The following ZNF398 variants were observed in gnomAD, a reference collection of about 807,000 sequenced individuals.
ZNF398 encodes zinc finger protein 398.
ZNF398 carries 18 observed loss-of-function variants against 41.9 expected under a neutral mutation model. The ratio of observed to expected loss-of-function variants is 0.43; its 90% CI spans 0.30 to 0.64. The LOEUF (loss-of-function observed/expected upper bound fraction) is 0.64, where lower values mean the gene tolerates loss of function less well. Ranked by LOEUF, ZNF398 falls within the 30% of genes least tolerant of loss-of-function variation. The probability of loss-of-function intolerance (pLI) is 0.14; values close to 1 mark genes in which losing one functional copy is unlikely to be tolerated. For missense variants in ZNF398, 669 were observed against 822.8 expected (o/e 0.81, Z 2.29); for synonymous variants, 260 against 308.8 (o/e 0.84, Z 1.66).
intron 4 of ZNF398, among the ~76,000 whole-genome samples, chr7:149,168,372 C>A (rs1795267612): frequency 6.6e-6 from 1 of 152,048 alleles, no homozygotes; most frequent in African/African-American, 2.4e-5. Context: ...GCCACCGCAC[C>A]CAGCCATCTA....
chr7:149,154,937 C>T (rs547061703), intron 2 of ZNF398, among the ~76,000 whole-genome samples: 4 of 148,548 alleles, frequency 2.7e-5, no homozygotes, highest in Non-Finnish European at 4.4e-5. Flanking sequence ...TGCAGTGAGT[C>T]GAGATCATGC....
rs373592293 is a variant in ZNF398, at chr7:149,179,601, C to T, written c.1729C>T (p.Arg577Cys). ...CTGCTCCTACTGTGGCAGGAGCTTC[C>T]GCTACAAACAGACACTCAAGGACCA... ...YPCSYCGRSF[R>C]YKQTLKDHLR... is the part of the protein sequence containing the mutation. Residue 577 changes from arginine (R) to cysteine (C), a missense_variant, in exon 6 of 6, where the codon CGC becomes TGC. Arg to Cys is a radical substitution (Grantham distance 180, BLOSUM62 -3). Around this residue, in one of 3 missense-constraint regions of ZNF398, gnomAD observed 210 missense variants for 290.4 expected, o/e 0.72. Transcript: ENST00000475153. The surrounding 1 kb of genome is among the most constrained non-coding windows in gnomAD (Gnocchi z 6.1). 15 of 1,614,058 alleles carry T rather than the reference C, an allele frequency of 9.3e-6. No homozygotes were observed. The highest frequency in any genetic ancestry group is 3.3e-5 in the Admixed American group (2 of 60,012).
intron 4 of ZNF398, among the ~76,000 whole-genome samples, chr7:149,174,641 A>G (rs7787885): frequency 0.013 from 2,055 of 152,314 alleles, 40 homozygotes; most frequent in African/African-American, 0.047. Context: ...CCTAAGCAAC[A>G]TAGTGAGACC....
In ZNF398 at chr7:149,162,267, C is replaced by T. The variant is rs28645811; in HGVS notation, c.421-3891C>T. ...CGCAGTCTCGGCTCACTGTAACCTT[C>T]GCCTCCTGGGTTCACGCCATTCTCC... On this transcript the variant is annotated intron_variant, in intron 2 of 5. Coordinates refer to ENST00000475153, the MANE Select transcript of ZNF398 (RefSeq NM_170686.3). Among the ~76,000 whole-genome samples, 1,478 of 152,144 alleles carry T rather than the reference C, an allele frequency of 9.7e-3. 28 individuals carry two copies. The highest frequency in any genetic ancestry group is 0.033 in the African/African-American group (1,385 of 41,508).
At position 149,178,834 on chromosome 7, in the gene ZNF398, A is replaced by G. The variant is rs1200872265; in HGVS notation, c.962A>G (p.Glu321Gly). The change falls in exon 6 of 6, where the codon GAG (glutamate) becomes GGG (glycine). Residue 321 changes from glutamate to glycine, a missense_variant. Around this residue, in one of 3 missense-constraint regions of ZNF398, gnomAD observed 290 missense variants for 292.9 expected, o/e 0.99. Coordinates refer to ENST00000475153, the MANE Select transcript of ZNF398 (RefSeq NM_170686.3). The part of the protein sequence containing the change: ...RPATDLPEAS[E>G]GQVTFTQLGS... ...GCCACTGACCTGCCTGAAGCCTCTGAGGGACAAGTGACTTTTACTCAGTTG... is the reference window on the plus strand; with the variant it reads ...GCCACTGACCTGCCTGAAGCCTCTGGGGGACAAGTGACTTTTACTCAGTTG... The G allele has an allele frequency of 1.9e-6, 3 of 1,614,038 alleles. No individual in the cohort carries two copies. Among genetic ancestry groups the G allele is most frequent in the Non-Finnish European group, 1.7e-6 (2 of 1,180,030 alleles).
Position 149,173,949 on chromosome 7 carries a change from C to G in ZNF398, c.662-2519C>G, listed in dbSNP as rs538544810. Among the ~76,000 whole-genome samples the G allele has an allele frequency of 6.6e-5, 10 of 152,140 alleles. 1 individual carries two copies. In the East Asian group the frequency reaches 1.2e-3, roughly 18 times the overall value. Reference sequence around the variant, plus strand: ...GCTAGGAAATACAGGCATGCACCACCACGCCCAGCTAATTTTGTATTTTTA... The same window carrying G: ...GCTAGGAAATACAGGCATGCACCACGACGCCCAGCTAATTTTGTATTTTTA... On this transcript the variant is annotated intron_variant, in intron 4 of 5. Coordinates refer to ENST00000475153, the MANE Select transcript of ZNF398 (RefSeq NM_170686.3).
chr7:149,153,983 G>A lies in ZNF398; in HGVS notation c.63G>A (p.Gln21=), dbSNP rs779174707. The A allele has an allele frequency of 1.2e-6, 2 of 1,613,892 alleles. No individual in the cohort carries two copies. The highest frequency in any genetic ancestry group is 1.1e-5 in the South Asian group (1 of 91,064). The change falls in exon 2 of 6, where the codon CAG becomes CAA. Residue 21 remains glutamine, a synonymous_variant. Coordinates refer to ENST00000475153, the MANE Select transcript of ZNF398 (RefSeq NM_170686.3). ...EWDSECLTSL[Q]PLPLPTPPAA... ...ACTCCGAGTGCCTTACATCCCTGCA[G>A]CCCCTTCCTCTTCCTACACCCCCAG...
chr7:149,132,420 C>T (rs1269270259), intron 2 of ZNF398, among the ~76,000 whole-genome samples: 1 of 152,088 alleles, frequency 6.6e-6, no homozygotes, highest in Non-Finnish European at 1.5e-5. Context: ...TCTCGAACTC[C>T]TGACCTCATG....
In ZNF398 at chr7:149,180,632, A is replaced by G. The variant is rs1795569483; in HGVS notation, c.*831A>G. 1 of 152,254 alleles carries G rather than the reference A, an allele frequency of 6.6e-6. No individual in the cohort carries two copies. The highest frequency in any genetic ancestry group is 2.4e-5 in the African/African-American group (1 of 41,468). The allele number at this position is 152,254 out of a possible 1,614,324, so 9.4% of individuals were successfully genotyped here. On this transcript the variant is annotated 3_prime_UTR_variant, in exon 6 of 6. Coordinates refer to ENST00000475153, the MANE Select transcript of ZNF398 (RefSeq NM_170686.3). ...TCTCAGAGAAATAGCTGGCTTAACA[A>G]TGACAGAACAGCTTAAAATTTGTGC...
intron 2 of ZNF398, among the ~76,000 whole-genome samples, chr7:149,135,164 T>C (rs1419127930): frequency 6.6e-6 from 1 of 152,038 alleles, no homozygotes; most frequent in African/African-American, 2.4e-5. Flanking sequence ...GTAAGTCCTT[T>C]GTTGGATATA....
chr7:149,176,552 A>G lies in ZNF398; in HGVS notation c.746A>G (p.Glu249Gly). The G allele has an allele frequency of 6.2e-7, 1 of 1,611,416 alleles. No homozygotes were observed. The highest frequency in any genetic ancestry group is 8.5e-7 in the Non-Finnish European group (1 of 1,179,214). Residue 249 changes from glutamate (E) to glycine (G), a missense_variant, in exon 5 of 6, where the codon GAG (glutamate) becomes GGG (glycine). Glu to Gly is a moderately conservative substitution (Grantham distance 98). Transcript: ENST00000475153. ...GTTGGGGCCCCACCGGAGTCCAAGG[A>G]GAGTGACGTGTACAAAAGCACTTAT... ...PQVGAPPESK[E>G]SDVYKSTYAD...
intron 2 of ZNF398, among the ~76,000 whole-genome samples, chr7:149,165,771 A>G (rs4727025): frequency 0.54 from 81,939 of 152,054 alleles, 25,609 homozygotes; most frequent in East Asian, 0.9. Flanking sequence ...AAAGAAAACA[A>G]ATAGAGGAAT....
At chr7:149,174,085 T>C (rs1005217893) in intron 4 of ZNF398, among the ~76,000 whole-genome samples, 4 of 152,062 alleles carry the variant, frequency 2.6e-5, no homozygotes, top group Non-Finnish European at 5.9e-5. Context: ...TGACCCACCA[T>C]GCCCGGCCTG....
intron 3 of ZNF398, among the ~76,000 whole-genome samples, chr7:149,166,526 G>A: frequency 6.6e-6 from 1 of 152,150 alleles, no homozygotes; most frequent in Non-Finnish European, 1.5e-5. Flanking sequence ...GGTTTCCATG[G>A]GTATCCTTCA....
intron 4 of ZNF398, among the ~76,000 whole-genome samples, chr7:149,175,364 G>T (rs1220323787): frequency 6.6e-6 from 1 of 151,630 alleles, no homozygotes; most frequent in African/African-American, 2.4e-5. Context: ...AAATAATAAA[G>T]CCATATAGGC....
intron 2 of ZNF398, among the ~76,000 whole-genome samples, chr7:149,159,213 A>AT (rs1419089850): frequency 6.6e-6 from 1 of 151,432 alleles, no homozygotes; most frequent in Non-Finnish European, 1.5e-5. Context: ...AAGTGCTGGG[A>AT]TTACAGGTGT....
chr7:149,164,689 A>T (rs1795189615), intron 2 of ZNF398, among the ~76,000 whole-genome samples: 1 of 152,372 alleles, frequency 6.6e-6, no homozygotes, highest in Admixed American at 6.5e-5. Flanking sequence ...AAGGTTGTAA[A>T]AGACTTCTGG....
chr7:149,154,101 A>G lies in ZNF398; in HGVS notation c.181A>G (p.Ser61Gly), dbSNP rs756781841. Reference protein sequence around the residue: ...QAIERKVEIHSRRLLHLEGRT... With the variant: ...QAIERKVEIHGRRLLHLEGRT... ...TATAGAGAGGAAGGTGGAGATCCACAGCCGGCGACTCCTACACCTGGAAGG... is the reference window on the plus strand; with the variant it reads ...TATAGAGAGGAAGGTGGAGATCCACGGCCGGCGACTCCTACACCTGGAAGG... Residue 61 changes from serine to glycine, a missense_variant, in exon 2 of 6, where the codon AGC (serine) becomes GGC (glycine). Around this residue, in one of 3 missense-constraint regions of ZNF398, gnomAD observed 169 missense variants for 239.5 expected, o/e 0.71. Transcript: ENST00000475153. The G allele has an allele frequency of 6.2e-7, 1 of 1,613,938 alleles. No individual in the cohort carries two copies.
chr7:149,174,926 C>G (rs540520397), intron 4 of ZNF398, among the ~76,000 whole-genome samples: 1 of 152,128 alleles, frequency 6.6e-6, no homozygotes, highest in African/African-American at 2.4e-5. Context: ...TCTTTCCCCC[C>G]CTCTGCCTTT....
Sources: allele counts gnomAD v4.1 joint callset (sites outside exome capture counted in the v4.1 genomes callset), GRCh38; gene constraint gnomAD v4.1.1; regional missense constraint gnomAD v4.1.1; non-coding constraint Gnocchi (gnomAD v3.1); transcripts MANE v1.5; gene names NCBI Gene and HGNC (gene_info 2026-07-23, HGNC 2026-07-21).